GLDC: variants seen among roughly 807,000 people sequenced by gnomAD.
GLDC encodes the protein glycine decarboxylase.
Under a neutral mutation model 121.3 loss-of-function variants are expected in GLDC, and 104 were observed. The ratio of observed to expected loss-of-function variants is 0.86; its 90% CI spans 0.73 to 1.01. The LOEUF is 1.01. Among genes scored for constraint, GLDC ranks in the 50% least tolerant of loss-of-function variants. The pLI is 0.00. For synonymous variants in GLDC, 546 were observed against 480.6 expected (o/e 1.14, Z -1.78); for missense variants, 1,429 against 1,306.6 (o/e 1.09, Z -1.44).
At chr9:6,563,638 C>G (rs1009149560) in intron 16 of GLDC, among the ~76,000 whole-genome samples, 2 of 152,170 alleles carry the variant, frequency 1.3e-5, no homozygotes, top group Non-Finnish European at 2.9e-5. Context: ...TCTCAGGTCC[C>G]AAGAGCAATT....
intron 20 of GLDC, among the ~76,000 whole-genome samples, chr9:6,553,158 G>C (rs548969939): frequency 3.3e-5 from 5 of 152,306 alleles, no homozygotes; most frequent in African/African-American, 1.2e-4. Flanking sequence ...GAACCCAAAA[G>C]AAGTAGTGTA....
intron 21 of GLDC, among the ~76,000 whole-genome samples, chr9:6,547,286 C>G (rs1817413798): frequency 6.6e-6 from 1 of 152,096 alleles, no homozygotes; most frequent in Non-Finnish European, 1.5e-5. Context: ...AGAGAGTCAG[C>G]TGTGAAGGAG....
chr9:6,611,354 G>C (rs569795474), intron 3 of GLDC, among the ~76,000 whole-genome samples: 2 of 152,150 alleles, frequency 1.3e-5, no homozygotes, highest in Non-Finnish European at 2.9e-5. Flanking sequence ...TCAGGAGATC[G>C]AGACCATCCT....
At chr9:6,590,375 C>G (rs1297946670) in intron 11 of GLDC, among the ~76,000 whole-genome samples, 3 of 152,070 alleles carry the variant, frequency 2.0e-5, no homozygotes, top group Non-Finnish European at 4.4e-5. Context: ...AATACTTGTC[C>G]CCTCCAGATC....
At chr9:6,619,174 AAAG>A (rs1563864235) in intron 3 of GLDC, among the ~76,000 whole-genome samples, 5 of 141,610 alleles carry the variant, frequency 3.5e-5, no homozygotes, top group African/African-American at 1.1e-4. Flanking sequence ...AAAAAAAAAA[AAAG>A]AAGAAGTAGG....
intron 9 of GLDC, chr9:6,593,235 A>C (rs1322659885): frequency 7.2e-6 from 3 of 419,192 alleles, no homozygotes; most frequent in African/African-American, 6.1e-5. Context: ...TTGGTGTATT[A>C]TTTCTCAAGA....
In GLDC at chr9:6,540,146, C is replaced by T. The variant is rs1455180063; in HGVS notation, c.2570G>A (p.Gly857Asp). ...CAAAATAAATTCATGACCCACATAA[C>T]CTGTTCAGGAAAGTTGTTTCAGCCC... ...HYRILFRGAR[G>D]YVGHEFILDT... is the part of the protein sequence containing the mutation. The change falls in exon 22 of 25, where the codon GGT becomes GAT. Residue 857 changes from glycine (G) to aspartate (D), a missense_variant and splice_region_variant. By Grantham distance (94) the Gly-to-Asp change is moderately conservative (BLOSUM62 -1). Transcript: ENST00000321612. 5 of 1,600,200 alleles carry T rather than the reference C, an allele frequency of 3.1e-6. No individual in the cohort carries two copies. The highest frequency in any genetic ancestry group is 1.7e-5 in the Admixed American group (1 of 59,982).
chr9:6,538,557 G>A (rs1817185411), intron 22 of GLDC, among the ~76,000 whole-genome samples: 1 of 152,196 alleles, frequency 6.6e-6, no homozygotes, highest in African/African-American at 2.4e-5. Context: ...TTAACACTAT[G>A]TGTTGAGTGC....
intron 8 of GLDC, among the ~76,000 whole-genome samples, chr9:6,599,807 T>C (rs1040925088): frequency 6.6e-6 from 1 of 151,986 alleles, no homozygotes; most frequent in Non-Finnish European, 1.5e-5. Context: ...GCCAACCACC[T>C]TTCCTTCCTA....
rs753453695 is a variant in GLDC, at chr9:6,589,184, G to C, written c.1580+11C>G. ...AGCACAAAACGCAGAAGTCACACAA[G>C]ACACACAAACCTGTTGAACACTTGA... On this transcript the variant is annotated intron_variant, in intron 12 of 24. Coordinates refer to ENST00000321612, the MANE Select transcript of GLDC (RefSeq NM_000170.3). 10 of 1,527,492 alleles carry C rather than the reference G, an allele frequency of 6.5e-6. No homozygotes were observed. Among genetic ancestry groups the C allele is most frequent in the Non-Finnish European group, 9.1e-6 (10 of 1,100,908 alleles). 94.6% of individuals were successfully genotyped at this position (1,527,492 alleles called of 1,614,324 possible).
chr9:6,615,355 AT>A, intron 3 of GLDC, among the ~76,000 whole-genome samples: 1 of 151,840 alleles, frequency 6.6e-6, no homozygotes, highest in Admixed American at 6.6e-5. Flanking sequence ...TGGGAGGAAA[AT>A]CTCTTGGGGC....
At chr9:6,569,037 A>C (rs2129770916) in intron 15 of GLDC, 1 of 152,230 alleles carries the variant, frequency 6.6e-6, no homozygotes, top group East Asian at 1.9e-4. Context: ...ACTGAATAAC[A>C]GGTATAAGAG....
intron 3 of GLDC, among the ~76,000 whole-genome samples, chr9:6,611,350 G>T (rs113022575): frequency 4.6e-4 from 70 of 152,298 alleles, no homozygotes; most frequent in Admixed American, 1.0e-3. Context: ...GAGGTCAGGA[G>T]ATCGAGACCA....
intron 2 of GLDC, among the ~76,000 whole-genome samples, chr9:6,626,412 C>G (rs1455481248): frequency 1.3e-5 from 2 of 152,124 alleles, no homozygotes; most frequent in African/African-American, 4.8e-5. Flanking sequence ...AGAAGCAGCT[C>G]AATTGAATGG....
intron 21 of GLDC, chr9:6,540,382 C>A (rs1189229351): frequency 2.0e-6 from 1 of 503,106 alleles, no homozygotes; most frequent in Non-Finnish European, 3.6e-6. Context: ...GCTCACTACA[C>A]ACCTGTGAAC....
intron 3 of GLDC, among the ~76,000 whole-genome samples, chr9:6,616,076 G>A (rs1321839170): frequency 6.6e-6 from 1 of 152,164 alleles, no homozygotes; most frequent in Non-Finnish European, 1.5e-5. Context: ...TGGGACCACA[G>A]GCACAAGCCA....
At chr9:6,558,211 C>T in intron 17 of GLDC, 1 of 533,398 alleles carries the variant, frequency 1.9e-6, no homozygotes, top group East Asian at 3.1e-5. Flanking sequence ...ATTTGTGTTA[C>T]AATTCCTGAC....
chr9:6,622,645 GC>G (rs1358757530), intron 2 of GLDC: 1 of 207,776 alleles, frequency 4.8e-6, no homozygotes, highest in Non-Finnish European at 9.6e-6. Flanking sequence ...CGAGATGGCA[GC>G]CTCTGCCCGG....
intron 21 of GLDC, among the ~76,000 whole-genome samples, chr9:6,544,742 T>C (rs1817350845): frequency 6.6e-6 from 1 of 152,104 alleles, no homozygotes; most frequent in Admixed American, 6.5e-5. Flanking sequence ...GGGAACTCCA[T>C]TCAGATCAAA....
Sources: allele counts gnomAD v4.1 joint callset (sites outside exome capture counted in the v4.1 genomes callset), GRCh38; gene constraint gnomAD v4.1.1; transcripts MANE v1.5; gene names NCBI Gene and HGNC (gene_info 2026-07-23, HGNC 2026-07-21).